The following PID1 variants were observed in gnomAD, a reference collection of about 807,000 sequenced individuals.
PID1 encodes phosphotyrosine interaction domain containing 1, also known as PTB-containing, cubilin and LRP1-interacting protein.
Under a neutral mutation model 19.1 loss-of-function variants are expected in PID1, and 10 were observed. The ratio of observed to expected loss-of-function variants is 0.52; its 90% CI spans 0.32 to 0.89. The LOEUF (loss-of-function observed/expected upper bound fraction) is 0.89. PID1 is among the 40% of genes least tolerant of loss of function. The probability of loss-of-function intolerance (pLI) is 0.03; values close to 1 mark genes in which losing one functional copy is unlikely to be tolerated. For synonymous variants in PID1, 130 were observed against 116.0 expected (o/e 1.12, Z -0.78); for missense variants, 248 against 285.3 (o/e 0.87, Z 0.94).
chr2:229,181,974 G>A (rs2106219555), intron 1 of PID1, among the ~76,000 whole-genome samples: 1 of 152,328 alleles, frequency 6.6e-6, no homozygotes, highest in Admixed American at 6.5e-5. Context: ...CATACTGTAT[G>A]ATTCCAATTA....
At chr2:229,053,029 G>A (rs7581134) in intron 2 of PID1, among the ~76,000 whole-genome samples, 79,020 of 151,982 alleles carry the variant, frequency 0.52, 21,341 homozygotes, top group East Asian at 0.66. Flanking sequence ...ATTTTAGTCA[G>A]TTGTAATTTA....
intron 2 of PID1, among the ~76,000 whole-genome samples, chr2:229,060,600 G>A (rs568993404): frequency 9.2e-5 from 14 of 152,088 alleles, no homozygotes; most frequent in African/African-American, 2.9e-4. Context: ...GATCTCTTTC[G>A]CACCTTGATT....
At chr2:229,166,897 A>G (rs967777884) in intron 1 of PID1, among the ~76,000 whole-genome samples, 3 of 151,346 alleles carry the variant, frequency 2.0e-5, no homozygotes, top group Admixed American at 1.3e-4. Context: ...ACAATAAATA[A>G]TGGTTGTAAT....
intron 1 of PID1, among the ~76,000 whole-genome samples, chr2:229,161,984 T>A: frequency 6.6e-6 from 1 of 152,172 alleles, no homozygotes; most frequent in East Asian, 1.9e-4. Flanking sequence ...AGAAATAGCA[T>A]TATAAAAAGG....
At chr2:229,046,379 T>TGCGCGC (rs1553555185) in intron 2 of PID1, among the ~76,000 whole-genome samples, 1 of 144,168 alleles carries the variant, frequency 6.9e-6, no homozygotes, top group African/African-American at 2.6e-5. Flanking sequence ...TGTGTGTGTG[T>TGCGCGC]GCGTGTGTGT....
At chr2:229,158,941 G>C (rs1393897700) in intron 1 of PID1, among the ~76,000 whole-genome samples, 1 of 151,978 alleles carries the variant, frequency 6.6e-6, no homozygotes, top group Non-Finnish European at 1.5e-5. Flanking sequence ...AAGGGTAGGG[G>C]GGAGCTGTGG....
intron 2 of PID1, among the ~76,000 whole-genome samples, chr2:229,120,398 C>T (rs916097295): frequency 2.0e-5 from 3 of 151,894 alleles, no homozygotes; most frequent in East Asian, 1.9e-4. Flanking sequence ...AGAGAAAATA[C>T]ATTTACCATT....
intron 2 of PID1, among the ~76,000 whole-genome samples, chr2:229,095,026 T>A (rs1042926648): frequency 6.6e-6 from 1 of 152,038 alleles, no homozygotes; most frequent in African/African-American, 2.4e-5. Context: ...ACGAAGACAA[T>A]AATGATTTGA....
chr2:229,032,197 A>T (rs570444414), intron 2 of PID1, among the ~76,000 whole-genome samples: 67 of 152,318 alleles, frequency 4.4e-4, no homozygotes, highest in Non-Finnish European at 7.3e-4. Flanking sequence ...GTATATTTCT[A>T]TATCAACACT....
At chr2:229,126,486 T>A (rs1401640218) in intron 2 of PID1, among the ~76,000 whole-genome samples, 1 of 152,150 alleles carries the variant, frequency 6.6e-6, no homozygotes, top group African/African-American at 2.4e-5. Context: ...ATGCAACACT[T>A]AGCTTTTAGG....
chr2:229,233,160 T>C (rs1692251744), intron 1 of PID1, among the ~76,000 whole-genome samples: 1 of 152,134 alleles, frequency 6.6e-6, no homozygotes, highest in South Asian at 2.1e-4. Context: ...ATAAGATCTT[T>C]GTTAGAAAAT....
chr2:229,117,807 C>T (rs929943858), intron 2 of PID1, among the ~76,000 whole-genome samples: 1 of 152,092 alleles, frequency 6.6e-6, no homozygotes, highest in Non-Finnish European at 1.5e-5. Flanking sequence ...AAGCTTCCAC[C>T]ATCTGCCACA....
chr2:229,089,906 T>G (rs2106218164), intron 2 of PID1, among the ~76,000 whole-genome samples: 1 of 152,164 alleles, frequency 6.6e-6, no homozygotes, highest in African/African-American at 2.4e-5. Flanking sequence ...AGAAGAGAAA[T>G]AAATGAGAGA....
chr2:229,237,553 G>T (rs1689741990), intron 1 of PID1, among the ~76,000 whole-genome samples: 1 of 152,134 alleles, frequency 6.6e-6, no homozygotes, highest in South Asian at 2.1e-4. Context: ...CAAGTGCAAA[G>T]CTGTTCACTT....
intron 1 of PID1, among the ~76,000 whole-genome samples, chr2:229,160,581 A>G (rs1431206712): frequency 1.3e-5 from 2 of 152,128 alleles, no homozygotes; most frequent in African/African-American, 2.4e-5. Flanking sequence ...GAACAGAAAT[A>G]AAACATTAGT....
chr2:229,219,994 T>C (rs780037722), intron 1 of PID1, among the ~76,000 whole-genome samples: 22 of 151,982 alleles, frequency 1.4e-4, no homozygotes, highest in Non-Finnish European at 2.5e-4. Context: ...GTAAATTCCA[T>C]GACACCATTT....
intron 2 of PID1, among the ~76,000 whole-genome samples, chr2:229,035,552 C>T (rs1693647023): frequency 6.6e-6 from 1 of 151,170 alleles, no homozygotes; most frequent in South Asian, 2.1e-4. Flanking sequence ...ACCAACCTAA[C>T]ACCACTCCTT....
chr2:229,055,831 C>T (rs1694087341), intron 2 of PID1, among the ~76,000 whole-genome samples: 1 of 152,158 alleles, frequency 6.6e-6, no homozygotes, highest in Non-Finnish European at 1.5e-5. Flanking sequence ...ATTTCTAGTG[C>T]TTTAAAAGTT....
intron 1 of PID1, among the ~76,000 whole-genome samples, chr2:229,266,273 T>A (rs974467486): frequency 6.6e-6 from 1 of 151,980 alleles, no homozygotes; most frequent in African/African-American, 2.4e-5. Flanking sequence ...TCTCCCCATT[T>A]TTTTTTTGTC....
Sources: gnomAD v4.1 joint callset for allele counts (sites outside exome capture counted in the v4.1 genomes callset) on GRCh38, gnomAD v4.1.1 for gene constraint, MANE v1.5 for transcripts, NCBI Gene and HGNC (gene_info 2026-07-23, HGNC 2026-07-21) for gene names.